The following TEAD4 variants were observed in gnomAD, a reference collection of about 807,000 sequenced individuals.
The protein encoded by TEAD4 is transcriptional enhancer factor TEF-3.
In TEAD4, 36 loss-of-function variants were observed where a neutral mutation model predicts 52.4. The ratio of observed to expected loss-of-function variants is 0.69; its 90% CI spans 0.53 to 0.91. TEAD4 has a LOEUF of 0.91. Ranked by LOEUF, TEAD4 falls within the 40% of genes least tolerant of loss-of-function variation. TEAD4 has a pLI of 0.00. For missense variants in TEAD4, 508 were observed against 583.9 expected, an observed-to-expected ratio of 0.87 and a Z score of 1.34; for synonymous variants, 220 against 231.0, an observed-to-expected ratio of 0.95 and a Z score of 0.43.
At chr12:3,017,118 C>T (rs1219067845) in intron 5 of TEAD4, 1 of 577,918 alleles carries the variant, frequency 1.7e-6, no homozygotes, top group East Asian at 3.9e-5. Flanking sequence ...TAGAAGGTGG[C>T]CCCGTAATTA....
chr12:2,984,674 A>G (rs2098236659), intron 2 of TEAD4, among the ~76,000 whole-genome samples: 1 of 152,228 alleles, frequency 6.6e-6, no homozygotes, highest in Admixed American at 6.5e-5. Context: ...CTTCTGGGCT[A>G]TAAATCTGTA....
chr12:3,022,391 G>A (rs1371694878), intron 10 of TEAD4, among the ~76,000 whole-genome samples: 1 of 152,344 alleles, frequency 6.6e-6, no homozygotes, highest in East Asian at 1.9e-4. Context: ...TGAATGACAA[G>A]TCCTGCATGG....
At chr12:2,985,953 G>T (rs147036396) in intron 2 of TEAD4, among the ~76,000 whole-genome samples, 1 of 151,980 alleles carries the variant, frequency 6.6e-6, no homozygotes, top group Non-Finnish European at 1.5e-5. Context: ...CAGGCATGGC[G>T]GCGGTTGCCT....
At chr12:2,962,348 T>TATATA (rs1237615183) in intron 2 of TEAD4, among the ~76,000 whole-genome samples, 2,141 of 32,266 alleles carry the variant, frequency 0.066, 27 homozygotes, top group Middle Eastern at 0.19. Context: ...ATATATATAT[T>TATATA]TTTTGAGATG....
intron 3 of TEAD4, among the ~76,000 whole-genome samples, chr12:2,998,784 C>T (rs542665330): frequency 1.3e-5 from 2 of 152,254 alleles, no homozygotes; most frequent in South Asian, 2.1e-4. Flanking sequence ...CTCCTGCCTC[C>T]GAGCTTGGCG....
intron 2 of TEAD4, among the ~76,000 whole-genome samples, chr12:2,982,758 C>T (rs2098235146): frequency 6.6e-6 from 1 of 152,194 alleles, no homozygotes; most frequent in African/African-American, 2.4e-5. Context: ...ACCTGCTGCC[C>T]TGCTTTTCCT....
At chr12:3,013,853 C>T (rs1457152141) in intron 5 of TEAD4, among the ~76,000 whole-genome samples, 1 of 152,178 alleles carries the variant, frequency 6.6e-6, no homozygotes, top group African/African-American at 2.4e-5. Context: ...CCACTTCAGC[C>T]TGGGCAACAT....
chr12:2,975,397 TTATTAC>T (rs2098228814), intron 2 of TEAD4, among the ~76,000 whole-genome samples: 1 of 63,206 alleles, frequency 1.6e-5, no homozygotes, highest in African/African-American at 7.7e-5. Flanking sequence ...ATTATTATTA[TTATTAC>T]TAGAGATGGA....
At chr12:2,965,998 C>T (rs576082115) in intron 2 of TEAD4, among the ~76,000 whole-genome samples, 1 of 152,146 alleles carries the variant, frequency 6.6e-6, no homozygotes, top group African/African-American at 2.4e-5. Flanking sequence ...GTAGCTGGGA[C>T]TGCAGGTGTA....
intron 10 of TEAD4, among the ~76,000 whole-genome samples, chr12:3,034,342 C>T (rs918826411): frequency 1.3e-5 from 2 of 152,118 alleles, no homozygotes; most frequent in Non-Finnish European, 2.9e-5. Context: ...TGGTGCCACC[C>T]GGAGGTGAGA....
In TEAD4 at chr12:3,021,932, A is replaced by T. The variant is rs765302453; in HGVS notation, c.812A>T (p.Tyr271Phe). ...GAAGCCGTGGACATCCGCCAAATCT[A>T]TGACAAATTCCCGGAGAAAAAGGGT... The change falls in exon 10 of 13, where the codon TAT becomes TTT. Residue 271 changes from tyrosine to phenylalanine, a missense_variant. Physicochemically the swap from Tyr to Phe is conservative, Grantham distance 22 (BLOSUM62 3). Transcript: ENST00000359864. The T allele has an allele frequency of 1.9e-6, 3 of 1,614,234 alleles. No individual in the cohort carries two copies. The highest frequency in any genetic ancestry group is 2.5e-6 in the Non-Finnish European group (3 of 1,180,034).
chr12:2,975,234 A>C (rs1453385899), intron 2 of TEAD4, among the ~76,000 whole-genome samples: 1 of 151,660 alleles, frequency 6.6e-6, no homozygotes, highest in Non-Finnish European at 1.5e-5. Context: ...AAACTTGAGC[A>C]GAAAGTAGAC....
chr12:3,040,065 C>T (rs762879604), intron 11 of TEAD4, 42 bp from the exon 12 acceptor site: 3 of 1,607,782 alleles, frequency 1.9e-6, no homozygotes, highest in Non-Finnish European at 2.6e-6. Flanking sequence ...TGGAGGTGGT[C>T]AGAATGGGAT....
intron 8 of TEAD4, among the ~76,000 whole-genome samples, chr12:3,020,412 G>A (rs1354018748): frequency 1.3e-5 from 2 of 151,952 alleles, no homozygotes; most frequent in South Asian, 2.1e-4. Flanking sequence ...TGAGTGGCCC[G>A]AGTTGTACCA....
At chr12:2,978,759 A>G (rs1358035885) in intron 2 of TEAD4, among the ~76,000 whole-genome samples, 2 of 151,980 alleles carry the variant, frequency 1.3e-5, no homozygotes, top group Non-Finnish European at 2.9e-5. Flanking sequence ...AACCCCTGAT[A>G]GTCTCTCTTC....
In TEAD4 at chr12:2,985,942, C is replaced by A. The variant is rs529300312; in HGVS notation, c.-29-8796C>A. 9.2e-5 allele frequency among the ~76,000 whole-genome samples: 14 copies of A among 151,972 alleles called. No individual in the cohort carries two copies. In the East Asian group the frequency reaches 2.8e-3, roughly 30 times the overall value. ...CTACTAAAAAAATACAAAAAATTAG[C>A]CAGGCATGGCGGCGGTTGCCTGTAA... is the stretch of plus-strand genomic sequence containing the variant. On this transcript the variant is annotated intron_variant, in intron 2 of 12. Coordinates refer to ENST00000359864, the MANE Select transcript of TEAD4 (RefSeq NM_003213.4).
At position 3,021,876 on chromosome 12, in the gene TEAD4, G is replaced by A. The variant is rs748114401; in HGVS notation, c.756G>A (p.Gln252=). 1 of 1,614,222 alleles carries A rather than the reference G, an allele frequency of 6.2e-7. No homozygotes were observed. Among genetic ancestry groups the A allele is most frequent in the Non-Finnish European group, 8.5e-7 (1 of 1,180,038 alleles). ...AGCACCTGTTCGTGCACATTGGCCA[G>A]TCCAGCCCAAGCTACAGCGACCCCT... Residue 252 remains glutamine, a synonymous_variant, in exon 10 of 13, where the codon CAG becomes CAA. Transcript: ENST00000359864.
chr12:3,036,973 A>C (rs2098279804), intron 10 of TEAD4, among the ~76,000 whole-genome samples: 1 of 151,960 alleles, frequency 6.6e-6, no homozygotes, highest in Non-Finnish European at 1.5e-5. Context: ...AACAGTCAGG[A>C]CCCCTCATGG....
chr12:3,005,874 G>A (rs952300535), intron 3 of TEAD4, among the ~76,000 whole-genome samples: 2 of 152,126 alleles, frequency 1.3e-5, no homozygotes, highest in Non-Finnish European at 2.9e-5. Flanking sequence ...CTGGGCTTGG[G>A]CGATCTTCCT....
Sources: gnomAD v4.1 joint callset for allele counts (sites outside exome capture counted in the v4.1 genomes callset) on GRCh38, gnomAD v4.1.1 for gene constraint, MANE v1.5 for transcripts, NCBI Gene and HGNC (gene_info 2026-07-23, HGNC 2026-07-21) for gene names.